IGF2BP3: variants seen among roughly 807,000 people sequenced by gnomAD.
IGF2BP3 encodes the protein insulin-like growth factor 2 mRNA-binding protein 3.
A neutral mutation model predicts 73.8 loss-of-function variants in IGF2BP3; 9 were observed. That is an observed-to-expected ratio of 0.12 (90% CI 0.07 to 0.21). IGF2BP3 has a LOEUF of 0.21. Ranked by LOEUF, IGF2BP3 falls within the 10% of genes least tolerant of loss-of-function variation. The pLI is 1.00. For missense variants in IGF2BP3, 542 were observed against 714.0 expected (o/e 0.76, Z 2.75); for synonymous variants, 258 against 256.7 (o/e 1.01, Z -0.05).
intron 12 of IGF2BP3, among the ~76,000 whole-genome samples, chr7:23,315,571 C>T (rs143278604): frequency 6.6e-6 from 1 of 152,238 alleles, no homozygotes; most frequent in East Asian, 1.9e-4. Flanking sequence ...AACAATAGTA[C>T]CCAACACGCG....
In IGF2BP3 at chr7:23,462,719, G is replaced by A. The variant is rs1367991641; in HGVS notation, c.236+5763C>T. Among the ~76,000 whole-genome samples the A allele has an allele frequency of 7.2e-5, 11 of 152,112 alleles. 1 individual carries two copies. In the East Asian group the frequency reaches 2.1e-3, roughly 29 times the overall value. On this transcript the variant is annotated intron_variant, in intron 2 of 14. Transcript: ENST00000258729. ...TCCTAATCAAGTTATATGGTCTCAGGATAATTCTCTAAAATATCTATAGTT... is the reference window on the plus strand; with the variant it reads ...TCCTAATCAAGTTATATGGTCTCAGAATAATTCTCTAAAATATCTATAGTT...
chr7:23,380,475 T>C (rs1051620756), intron 3 of IGF2BP3, among the ~76,000 whole-genome samples: 1 of 152,146 alleles, frequency 6.6e-6, no homozygotes, highest in Non-Finnish European at 1.5e-5. Context: ...CTGCCCACCA[T>C]GCTTCTTGGC....
chr7:23,386,460 AATG>A (rs1415008334), intron 3 of IGF2BP3, among the ~76,000 whole-genome samples: 1 of 152,214 alleles, frequency 6.6e-6, no homozygotes, highest in African/African-American at 2.4e-5. Flanking sequence ...AGAAACACAC[AATG>A]ATGGAGTGAC....
In IGF2BP3 at chr7:23,469,062, G is replaced by T. The variant is rs953061474; in HGVS notation, c.176-520C>A. ...CACGAACGGGAGAACTGGCAGAGGC[G>T]CAGCTCGGCACAGGCTGAACCAGGC... On this transcript the variant is annotated intron_variant, in intron 1 of 14. Coordinates refer to ENST00000258729, the MANE Select transcript of IGF2BP3 (RefSeq NM_006547.3). This position sits in a 1 kb window ranked among gnomAD's most constrained non-coding sequence, Gnocchi z 6.1. 2.0e-5 allele frequency among the ~76,000 whole-genome samples: 3 copies of T among 152,252 alleles called. No individual in the cohort carries two copies. The highest frequency in any genetic ancestry group is 6.5e-5 in the Admixed American group (1 of 15,294).
rs368805585 is a variant in IGF2BP3 at position 23,326,303 on chromosome 7, C to G, written c.1204-7049G>C. Among the ~76,000 whole-genome samples the G allele has an allele frequency of 1.3e-3, 192 of 152,220 alleles. 1 individual carries two copies. Among genetic ancestry groups the G allele is most frequent in the African/African-American group, 4.5e-3 (188 of 41,542 alleles). ...AAAGAAGACATTTATGCAGCCAAAA[C>G]ACACATGAAAAAATGCTCACCATCA... On this transcript the variant is annotated intron_variant, in intron 10 of 14. Coordinates refer to ENST00000258729, the MANE Select transcript of IGF2BP3 (RefSeq NM_006547.3).
chr7:23,450,990 G>A (rs1280705574), intron 2 of IGF2BP3, among the ~76,000 whole-genome samples: 1 of 152,144 alleles, frequency 6.6e-6, no homozygotes, highest in East Asian at 1.9e-4. Flanking sequence ...ATATCCATAT[G>A]TGGCTGGATT....
chr7:23,430,189 T>G (rs949064793), intron 2 of IGF2BP3, among the ~76,000 whole-genome samples: 3 of 151,796 alleles, frequency 2.0e-5, no homozygotes, highest in Middle Eastern at 3.2e-3. Flanking sequence ...GTTCAAGCGA[T>G]TCTCCTGCCT....
At chr7:23,338,420 C>T (rs562574977) in intron 10 of IGF2BP3, among the ~76,000 whole-genome samples, 32 of 152,196 alleles carry the variant, frequency 2.1e-4, no homozygotes, top group Middle Eastern at 3.4e-3. Context: ...ACTTGGGAGT[C>T]AGAGGTGGGA....
intron 3 of IGF2BP3, among the ~76,000 whole-genome samples, chr7:23,401,641 T>G (rs989326447): frequency 2.0e-5 from 3 of 152,052 alleles, no homozygotes; most frequent in African/African-American, 7.2e-5. Flanking sequence ...GGCAGTCACC[T>G]GTAATCCCAG....
At chr7:23,367,944 G>A (rs1562704513) in intron 3 of IGF2BP3, among the ~76,000 whole-genome samples, 1 of 151,948 alleles carries the variant, frequency 6.6e-6, no homozygotes, top group Non-Finnish European at 1.5e-5. Flanking sequence ...AGGTTGCAGT[G>A]AGCTGAGATT....
At chr7:23,426,320 C>CA (rs1195063330) in intron 2 of IGF2BP3, among the ~76,000 whole-genome samples, 1,647 of 44,990 alleles carry the variant, frequency 0.037, 21 homozygotes, top group Middle Eastern at 0.075. Context: ...AATTCTGTCT[C>CA]AAAAAAAAAA....
intron 10 of IGF2BP3, among the ~76,000 whole-genome samples, chr7:23,341,317 A>G (rs1012472314): frequency 5.3e-5 from 8 of 152,174 alleles, no homozygotes; most frequent in Admixed American, 3.9e-4. Flanking sequence ...TTTCAAAGCC[A>G]TTGACTTCAG....
intron 2 of IGF2BP3, among the ~76,000 whole-genome samples, chr7:23,427,239 G>A (rs1787538763): frequency 6.6e-6 from 1 of 152,126 alleles, no homozygotes. Context: ...GTATGAGGGT[G>A]CGGGCAGGAA....
In IGF2BP3 at chr7:23,449,502, G is replaced by A. The variant is rs185271315; in HGVS notation, c.236+18980C>T. On this transcript the variant is annotated intron_variant, in intron 2 of 14. Transcript: ENST00000258729. ...ACTGCACTCCAGCCTGGGACACAGC[G>A]AGACTCCGTCTAAAAAAATACCTGA... Among the ~76,000 whole-genome samples, 657 of 151,030 alleles carry A rather than the reference G, an allele frequency of 4.4e-3. 3 individuals carry two copies. The highest frequency in any genetic ancestry group is 0.015 in the African/African-American group (601 of 41,232).
At chr7:23,436,787 T>G (rs1562753153) in intron 2 of IGF2BP3, among the ~76,000 whole-genome samples, 2 of 152,224 alleles carry the variant, frequency 1.3e-5, no homozygotes, top group African/African-American at 4.8e-5. Context: ...TACATTTGGA[T>G]TTATTTTGCT....
At chr7:23,423,819 C>T (rs1378223666) in intron 2 of IGF2BP3, among the ~76,000 whole-genome samples, 1 of 151,982 alleles carries the variant, frequency 6.6e-6, no homozygotes, top group East Asian at 1.9e-4. Flanking sequence ...TAAGCATTTG[C>T]ATTAATTTTA....
intron 3 of IGF2BP3, among the ~76,000 whole-genome samples, chr7:23,387,112 G>C (rs189866844): frequency 6.6e-6 from 1 of 151,448 alleles, no homozygotes; most frequent in Admixed American, 6.6e-5. Flanking sequence ...AAGGAAGGTA[G>C]GTAGGTTGGT....
At position 23,361,745 on chromosome 7, in the gene IGF2BP3, T is replaced by C; in HGVS notation, c.286-4A>G. The C allele has an allele frequency of 6.2e-7, 1 of 1,607,034 alleles. No individual in the cohort carries two copies. Among genetic ancestry groups the C allele is most frequent in the Non-Finnish European group, 8.5e-7 (1 of 1,176,868 alleles). On this transcript the variant is annotated splice_polypyrimidine_tract_variant and splice_region_variant and intron_variant, in intron 3 of 14. Coordinates refer to ENST00000258729, the MANE Select transcript of IGF2BP3 (RefSeq NM_006547.3). Reference sequence around the variant, plus strand: ...GGACTAGTAAACTATCCAGCACCTATCAGGAGGGGGAGAGAAAATTATAAA... The same window carrying C: ...GGACTAGTAAACTATCCAGCACCTACCAGGAGGGGGAGAGAAAATTATAAA...
rs1384533505 is a variant in IGF2BP3 at position 23,322,688 on chromosome 7, AC to A, written c.1204-3435del. Among the ~76,000 whole-genome samples, 15 of 152,260 alleles carry A rather than the reference AC, an allele frequency of 9.9e-5. No homozygotes were observed. The East Asian group carries it at 2.9e-3, about 29-fold the overall frequency. On this transcript the variant is annotated intron_variant, in intron 10 of 14. Coordinates refer to ENST00000258729, the MANE Select transcript of IGF2BP3 (RefSeq NM_006547.3). ...GCCAGAGAGAAAGGTCGGGTTACCC[AC>A]AAAGGGAAGCCCATCAGACTAACAG... is the stretch of plus-strand genomic sequence containing the variant.
Sources: gnomAD v4.1 joint callset for allele counts (sites outside exome capture counted in the v4.1 genomes callset) on GRCh38, gnomAD v4.1.1 for gene constraint, Gnocchi (gnomAD v3.1) non-coding constraint, MANE v1.5 for transcripts, NCBI Gene and HGNC (gene_info 2026-07-23, HGNC 2026-07-21) for gene names.